The following MYH15 variants were observed in gnomAD, a reference collection of about 807,000 sequenced individuals.
The protein encoded by MYH15 is myosin-15.
A neutral mutation model predicts 240.5 loss-of-function variants in MYH15; 227 were observed. The ratio of observed to expected loss-of-function variants is 0.94; its 90% confidence interval spans 0.85 to 1.05. The LOEUF (loss-of-function observed/expected upper bound fraction) is 1.05. Among genes scored for constraint, MYH15 ranks in the 50% least tolerant of loss-of-function variants. The pLI is 0.00. For missense variants in MYH15, 2,217 were observed against 2,247.5 expected (o/e 0.99, Z 0.27); for synonymous variants, 785 against 796.7 (o/e 0.99, Z 0.25).
upstream of MYH15, among the ~76,000 whole-genome samples, chr3:108,513,036 T>C (rs1430239726): frequency 1.3e-5 from 2 of 152,180 alleles, no homozygotes; most frequent in African/African-American, 2.4e-5. Context: ...AGGTTCCAGT[T>C]GCACATATGG....
At chr3:108,497,484 T>C (rs1352558845) in intron 6 of MYH15, among the ~76,000 whole-genome samples, 1 of 152,160 alleles carries the variant, frequency 6.6e-6, no homozygotes, top group Admixed American at 6.5e-5. Context: ...TATTATGATG[T>C]CCATTAACAT....
Position 108,428,890 on chromosome 3 carries a change from A to T in MYH15, c.3313-9T>A. 1 of 1,585,102 alleles carries T rather than the reference A, an allele frequency of 6.3e-7. No individual in the cohort carries two copies. Among genetic ancestry groups the T allele is most frequent in the Non-Finnish European group, 8.5e-7 (1 of 1,170,206 alleles). On this transcript the variant is annotated splice_polypyrimidine_tract_variant and intron_variant, in intron 26 of 40. Coordinates refer to ENST00000693548, the MANE Select transcript of MYH15 (RefSeq NM_014981.3). ...AAATCCTTTATTTGAGTCTGTAGCA[A>T]GAAATAATTTTGACTTTTACTAAGC...
chr3:108,460,277 G>A (rs779205963), intron 17 of MYH15, 23 bp downstream of exon 17: 8 of 1,549,702 alleles, frequency 5.2e-6, no homozygotes, highest in South Asian at 5.0e-5. Flanking sequence ...ATTAATATAT[G>A]AATAGACGCA....
At chr3:108,453,134 A>C (rs151017698) in intron 21 of MYH15, among the ~76,000 whole-genome samples, 1 of 152,324 alleles carries the variant, frequency 6.6e-6, no homozygotes, top group Non-Finnish European at 1.5e-5. Flanking sequence ...TGAAGAAAGT[A>C]AACTATGGAG....
At chr3:108,532,175 G>C (rs1193100860), upstream of MYH15, among the ~76,000 whole-genome samples, 3 of 151,942 alleles carry the variant, frequency 2.0e-5, no homozygotes, top group Non-Finnish European at 2.9e-5. Flanking sequence ...GTCTTGACTT[G>C]AGTGGGCCAC....
rs140383091 is a variant in MYH15 at position 108,465,819 on chromosome 3, C to T, written c.1555-1005G>A. On this transcript the variant is annotated intron_variant, in intron 14 of 40. Coordinates refer to ENST00000693548, the MANE Select transcript of MYH15 (RefSeq NM_014981.3). ...GTGTGTGCCTGTAATCCCAGCTACC[C>T]GGGAGGCTGAGGCAGGAGAATCGCT... 3.6e-3 allele frequency among the ~76,000 whole-genome samples: 540 copies of T among 151,938 alleles called. 1 individual carries two copies. Among genetic ancestry groups the T allele is most frequent in the Non-Finnish European group, 5.5e-3 (375 of 67,948 alleles).
intron 11 of MYH15, among the ~76,000 whole-genome samples, chr3:108,480,065 T>C (rs1292886151): frequency 1.3e-5 from 2 of 152,178 alleles, no homozygotes; most frequent in African/African-American, 4.8e-5. Flanking sequence ...GAAATTATAA[T>C]CTATGAGAGT....
At chr3:108,545,976 T>G in the MYH15 span, among the ~76,000 whole-genome samples, 158 of 152,296 alleles carry the variant, frequency 1.0e-3, no homozygotes, top group African/African-American at 3.3e-3. Flanking sequence ...CTTATTTCTT[T>G]CAGATAAATT....
chr3:108,437,738 A>G (rs760262014), intron 24 of MYH15, 39 bp from the exon 25 acceptor site: 1 of 1,592,868 alleles, frequency 6.3e-7, no homozygotes, highest in Admixed American at 1.8e-5. Context: ...ATAAATAGGT[A>G]GAGTTTATAC....
the MYH15 span, among the ~76,000 whole-genome samples, chr3:108,536,254 G>C: frequency 4.0e-5 from 6 of 151,892 alleles, no homozygotes; most frequent in African/African-American, 1.5e-4. Flanking sequence ...GACAGAGTGA[G>C]ACTTTACCTC....
intron 1 of MYH15, among the ~76,000 whole-genome samples, chr3:108,516,592 A>G (rs1328478539): frequency 2.6e-5 from 4 of 152,182 alleles, no homozygotes; most frequent in African/African-American, 9.7e-5. Context: ...GCTTCCTAGT[A>G]TTCATGCTGC....
At position 108,398,633 on chromosome 3, in the gene MYH15, C is replaced by T; in HGVS notation, c.5133+4G>A. 1.2e-6 allele frequency: 2 copies of T among 1,612,568 alleles called. No homozygotes were observed. The highest frequency in any genetic ancestry group is 1.7e-6 in the Non-Finnish European group (2 of 1,180,008). On this transcript the variant is annotated splice_donor_region_variant and intron_variant, in intron 35 of 40. Coordinates refer to ENST00000693548, the MANE Select transcript of MYH15 (RefSeq NM_014981.3). Reference sequence around the variant, plus strand: ...AGCTAATAGGGAGAGTATATGGGCCCCACCTGGGTATAGAAAAGATTGATT... The same window carrying T: ...AGCTAATAGGGAGAGTATATGGGCCTCACCTGGGTATAGAAAAGATTGATT...
chr3:108,382,574 AGTGAACTCTTTCCATAGTAGACACAT>A (rs982360037), intron 40 of MYH15, among the ~76,000 whole-genome samples: 13 of 152,142 alleles, frequency 8.5e-5, no homozygotes, highest in African/African-American at 3.1e-4. Flanking sequence ...CAAAATTTGG[AGTGAACTCTTTCCATAGTAGACACAT>A]GTGTGACTTT....
chr3:108,419,496 G>T (rs1052584438), intron 28 of MYH15, among the ~76,000 whole-genome samples: 2 of 152,138 alleles, frequency 1.3e-5, no homozygotes, highest in African/African-American at 4.8e-5. Context: ...TATCAAAATA[G>T]ATTTTACACA....
In MYH15 at chr3:108,500,241, G is replaced by C. The variant is rs774463469; in HGVS notation, c.373C>G (p.Pro125Ala). Residue 125 changes from proline to alanine, a missense_variant, in exon 4 of 41, where the codon CCT becomes GCT. Transcript: ENST00000693548. Reference sequence around the variant, plus strand: ...TGATACACGGGAAGCCATTTGTAAGGGTTTATGGTCACACAGAAGAGACCT... The same window carrying C: ...TGATACACGGGAAGCCATTTGTAAGCGTTTATGGTCACACAGAAGAGACCT... ...YSGLFCVTIN[P>A]YKWLPVYQKE... 1.9e-6 allele frequency: 3 copies of C among 1,613,934 alleles called. No homozygotes were observed. Among genetic ancestry groups the C allele is most frequent in the East Asian group, 2.2e-5 (1 of 44,876 alleles).
chr3:108,460,469 A>G (rs2083063066), intron 16 of MYH15, 102 bp from the exon 17 acceptor site: 2 of 793,874 alleles, frequency 2.5e-6, no homozygotes, highest in African/African-American at 1.8e-5. Context: ...CCAGAGTTCT[A>G]GAACAATATG....
intron 12 of MYH15, 28 bp downstream of exon 12, chr3:108,476,369 T>C (rs1560408956): frequency 7.8e-7 from 1 of 1,287,830 alleles, no homozygotes; most frequent in Non-Finnish European, 1.1e-6. Context: ...GATCATAGAA[T>C]AATAATGCTC....
chr3:108,454,235 G>T, intron 20 of MYH15, 93 bp from the exon 21 acceptor site: 6 of 1,131,382 alleles, frequency 5.3e-6, no homozygotes, highest in Non-Finnish European at 7.3e-6. Context: ...TGTTCCTAGG[G>T]ATAACTGTAT....
intron 18 of MYH15, 49 bp from the exon 19 acceptor site, chr3:108,456,932 T>A (rs374170745): frequency 1.5e-6 from 2 of 1,373,510 alleles, no homozygotes; most frequent in Admixed American, 3.7e-5. Flanking sequence ...AAAAAAATTA[T>A]TGGGACAGAT....
Sources: gnomAD v4.1 joint callset for allele counts (sites outside exome capture counted in the v4.1 genomes callset) on GRCh38, gnomAD v4.1.1 for gene constraint, MANE v1.5 for transcripts, NCBI Gene and HGNC (gene_info 2026-07-23, HGNC 2026-07-21) for gene names.